Variants in BTNL9 observed in about 807,000 individuals in gnomAD.
BTNL9 encodes the protein butyrophilin-like protein 9.
BTNL9 carries 45 observed loss-of-function variants against 45.8 expected under a neutral mutation model. That is an observed-to-expected ratio of 0.98 (90% confidence interval 0.77 to 1.26). The LOEUF (loss-of-function observed/expected upper bound fraction) is 1.26, where lower values mean the gene tolerates loss of function less well. BTNL9 is among the 50% of genes most tolerant of loss of function. The pLI, the probability that BTNL9 is intolerant of heterozygous loss-of-function variation, is 0.00. For synonymous variants in BTNL9, 346 were observed against 330.8 expected, an observed-to-expected ratio of 1.05 and a Z score of -0.50; for missense variants, 784 against 729.7, an observed-to-expected ratio of 1.07 and a Z score of -0.86.
intron 4 of BTNL9, among the ~76,000 whole-genome samples, chr5:181,051,269 C>T (rs1761525505): frequency 6.6e-6 from 1 of 152,030 alleles, no homozygotes; most frequent in Admixed American, 6.6e-5. Context: ...TGAAGGGTTT[C>T]AAGTTCATGG....
chr5:181,049,054 G>C (rs904589198), intron 3 of BTNL9, among the ~76,000 whole-genome samples: 1 of 150,414 alleles, frequency 6.6e-6, no homozygotes, highest in Non-Finnish European at 1.5e-5. Flanking sequence ...AATTTCAAAA[G>C]CTCTTCCATG....
At chr5:181,041,093 A>G (rs1760754897) in intron 1 of BTNL9, among the ~76,000 whole-genome samples, 1 of 152,226 alleles carries the variant, frequency 6.6e-6, no homozygotes, top group African/African-American at 2.4e-5. Context: ...ATTTATTAAT[A>G]ACATGGATTT....
chr5:181,045,106 T>C (rs1761022528), intron 1 of BTNL9, among the ~76,000 whole-genome samples: 1 of 152,162 alleles, frequency 6.6e-6, no homozygotes, highest in African/African-American at 2.4e-5. Flanking sequence ...GCCCTTTGTT[T>C]GAGGAAAGTC....
intron 7 of BTNL9, 144 bp downstream of exon 7, chr5:181,054,403 A>G (rs1047446945): frequency 6.7e-7 from 1 of 1,494,502 alleles, no homozygotes; most frequent in Non-Finnish European, 8.9e-7. Context: ...TTCCCTTGCT[A>G]AGGGGCTGAA....
In BTNL9 at chr5:181,055,877, G is replaced by T. The variant is rs1475054926; in HGVS notation, c.929-112G>T. The T allele has an allele frequency of 1.6e-6, 2 of 1,256,628 alleles. No homozygotes were observed. Among genetic ancestry groups the T allele is most frequent in the South Asian group, 1.2e-5 (1 of 83,866 alleles). The allele number at this position is 1,256,628 out of a possible 1,614,324, so 77.8% of individuals were successfully genotyped here. ...TGATGCCCAGGCAGGACCCCTGCTG[G>T]CTATGTGGGTGGTGGGGGGTGCGGG... On this transcript the variant is annotated intron_variant, in intron 8 of 10. Coordinates refer to ENST00000327705, the MANE Select transcript of BTNL9 (RefSeq NM_152547.5). This position sits in a 1 kb window ranked among gnomAD's most constrained non-coding sequence, Gnocchi z 4.4.
chr5:181,053,357 G>A lies in BTNL9; in HGVS notation c.853+41G>A, dbSNP rs1472625997. 2.0e-6 allele frequency: 3 copies of A among 1,525,342 alleles called. No individual in the cohort carries two copies. Among genetic ancestry groups the A allele is most frequent in the Non-Finnish European group, 2.6e-6 (3 of 1,135,976 alleles). 94.5% of individuals were successfully genotyped at this position (1,525,342 alleles called of 1,614,324 possible). A position where few individuals can be genotyped will look rare whatever the true frequency, so the allele number is the denominator to read the frequency against. ...GCGGGGCGGGGAGGGGCACCGGCCG[G>A]TGCTGAACCCCGGGGCCGCGGAGGC... is the stretch of plus-strand genomic sequence containing the variant. On this transcript the variant is annotated intron_variant, in intron 5 of 10. Transcript: ENST00000327705. The surrounding 1 kb of genome is among the most constrained non-coding windows in gnomAD (Gnocchi z 6.5).
In BTNL9 at chr5:181,059,734, G is replaced by A. The variant is rs796629441; in HGVS notation, c.1480G>A (p.Gly494Ser). 1.4e-5 allele frequency: 22 copies of A among 1,613,124 alleles called. No homozygotes were observed. Among genetic ancestry groups the A allele is most frequent in the African/African-American group, 6.7e-5 (5 of 75,054 alleles). ...CTTCAGGCCCAGGGCCCACGACGGCGGCGAACATCCGGATCCCCTGACCAT... is the reference window on the plus strand; with the variant it reads ...CTTCAGGCCCAGGGCCCACGACGGCAGCGAACATCCGGATCCCCTGACCAT... ...AYFRPRAHDG[G>S]EHPDPLTICP... Residue 494 changes from glycine to serine, a missense_variant, in exon 11 of 11, where the codon GGC becomes AGC. Gly to Ser is a moderately conservative substitution (Grantham distance 56). Transcript: ENST00000327705.
At chr5:181,045,631 T>A in intron 2 of BTNL9, 33 bp downstream of exon 2, 1 of 1,538,978 alleles carries the variant, frequency 6.5e-7, no homozygotes, top group Non-Finnish European at 9.0e-7. Context: ...GGCCAGGATG[T>A]GAACGCCACC....
Position 181,061,279 on chromosome 5 carries a change from G to A in BTNL9, c.*1417G>A, listed in dbSNP as rs1413886659. On this transcript the variant is annotated 3_prime_UTR_variant, in exon 11 of 11. Transcript: ENST00000327705. ...ATGTAGTAAAATGACAACACTTGGT[G>A]ACTCTAGGTGACTGGTCGACAGATG... 6.6e-6 allele frequency: 1 copy of A among 152,222 alleles called. No homozygotes were observed. Among genetic ancestry groups the A allele is most frequent in the African/African-American group, 2.4e-5 (1 of 41,454 alleles). The allele number at this position is 152,222 out of a possible 1,614,324, so 9.4% of individuals were successfully genotyped here.
chr5:181,059,988 G>A lies in BTNL9; in HGVS notation c.*126G>A. On this transcript the variant is annotated 3_prime_UTR_variant, in exon 11 of 11. Transcript: ENST00000327705. ...AAAATGTCAGCGAGGGGGACAAAGA[G>A]AGGGACCTTTGCCTACGTAGATGTG... The A allele has an allele frequency of 2.3e-6, 2 of 872,882 alleles. No individual in the cohort carries two copies. The highest frequency in any genetic ancestry group is 3.4e-6 in the Non-Finnish European group (2 of 586,092). 54.1% of individuals were successfully genotyped at this position (872,882 alleles called of 1,614,324 possible). A position where few individuals can be genotyped will look rare whatever the true frequency, so the allele number is the denominator to read the frequency against.
intron 9 of BTNL9, among the ~76,000 whole-genome samples, chr5:181,057,979 C>A (rs1761968478): frequency 6.6e-6 from 1 of 152,198 alleles, no homozygotes; most frequent in Admixed American, 6.5e-5. Flanking sequence ...TCTTTGGGAC[C>A]CGTCAGGCTC....
At chr5:181,051,321 G>T (rs1314293293) in intron 4 of BTNL9, among the ~76,000 whole-genome samples, 1 of 152,036 alleles carries the variant, frequency 6.6e-6, no homozygotes, top group East Asian at 1.9e-4. Flanking sequence ...CAACATACGG[G>T]CCACTTTTCA....
intron 2 of BTNL9, among the ~76,000 whole-genome samples, chr5:181,047,030 A>G (rs1256125585): frequency 1.3e-5 from 2 of 152,210 alleles, no homozygotes; most frequent in Admixed American, 6.5e-5. Flanking sequence ...AGGTCCCTCC[A>G]TTTCCTGTGG....
At chr5:181,057,403 A>G (rs1316688136) in intron 9 of BTNL9, among the ~76,000 whole-genome samples, 1 of 152,198 alleles carries the variant, frequency 6.6e-6, no homozygotes, top group East Asian at 1.9e-4. Flanking sequence ...GGGCTTACCA[A>G]CGCCATTTAC....
At chr5:181,040,623 C>T (rs540828208) in intron 1 of BTNL9, among the ~76,000 whole-genome samples, 191 bp downstream of exon 1, 1 of 152,358 alleles carries the variant, frequency 6.6e-6, no homozygotes, top group African/African-American at 2.4e-5. Context: ...TGGGCCGCAT[C>T]TCAGGAGGCA....
chr5:181,049,946 A>C (rs967681732), intron 3 of BTNL9, 142 bp from the exon 4 acceptor site: 1 of 1,041,286 alleles, frequency 9.6e-7, no homozygotes, highest in African/African-American at 1.6e-5. Flanking sequence ...ATGGGCGGGG[A>C]GCGCCAAGCC....
At chr5:181,041,371 A>G (rs1417608661) in intron 1 of BTNL9, among the ~76,000 whole-genome samples, 1 of 152,246 alleles carries the variant, frequency 6.6e-6, no homozygotes, top group East Asian at 1.9e-4. Flanking sequence ...AGAATCTGAA[A>G]TTCACCAATA....
Position 181,059,580 on chromosome 5 carries a change from G to T in BTNL9, c.1326G>T (p.Leu442=). Residue 442 remains leucine (L), a synonymous_variant, in exon 11 of 11, where the codon CTG becomes CTT. Transcript: ENST00000327705. ...CCCCGCACCGCGTCGCGCTCACCCT[G>T]CGCGTGCCCCCGCGGCGCCTGGGCG... ...VLAPHRVALT[L]RVPPRRLGVF... is the part of the protein sequence containing the mutation. 6.2e-7 allele frequency: 1 copy of T among 1,612,746 alleles called. No individual in the cohort carries two copies. Among genetic ancestry groups the T allele is most frequent in the Non-Finnish European group, 8.5e-7 (1 of 1,179,842 alleles).
In BTNL9 at chr5:181,060,615, A is replaced by G. The variant is rs1411311610; in HGVS notation, c.*753A>G. 6.6e-6 allele frequency: 1 copy of G among 152,152 alleles called. No homozygotes were observed. Among genetic ancestry groups the G allele is most frequent in the Non-Finnish European group, 1.5e-5 (1 of 68,028 alleles). The allele number at this position is 152,152 out of a possible 1,614,324, so 9.4% of individuals were successfully genotyped here. A position where few individuals can be genotyped will look rare whatever the true frequency, so the allele number is the denominator to read the frequency against. The stretch of plus-strand genomic sequence containing the variant: ...TTTCTTTTTAAAAAGGAGAAACAGG[A>G]AGGTTTCTTTTGGAGGTGAAATCTA... On this transcript the variant is annotated 3_prime_UTR_variant, in exon 11 of 11. Coordinates refer to ENST00000327705, the MANE Select transcript of BTNL9 (RefSeq NM_152547.5).
Sources: gnomAD v4.1 joint callset for allele counts (sites outside exome capture counted in the v4.1 genomes callset) on GRCh38, gnomAD v4.1.1 for gene constraint, Gnocchi (gnomAD v3.1) non-coding constraint, MANE v1.5 for transcripts, NCBI Gene and HGNC (gene_info 2026-07-23, HGNC 2026-07-21) for gene names.